The following TRAK1 variants were observed in gnomAD, a reference collection of about 807,000 sequenced individuals.
TRAK1 encodes the protein trafficking kinesin protein 1.
Under a neutral mutation model 92.1 loss-of-function variants are expected in TRAK1, and 33 were observed. The ratio of observed to expected loss-of-function variants is 0.36; its 90% CI spans 0.27 to 0.48. TRAK1 has a LOEUF of 0.48. Ranked by LOEUF, TRAK1 falls within the 20% of genes least tolerant of loss-of-function variation. TRAK1 has a pLI of 0.99. For missense variants in TRAK1, 1,123 were observed against 1,257.9 expected (o/e 0.89, Z 1.62); for synonymous variants, 521 against 517.3 (o/e 1.01, Z -0.10).
At chr3:42,138,096 G>T (rs2149203999) in intron 2 of TRAK1, among the ~76,000 whole-genome samples, 1 of 152,300 alleles carries the variant, frequency 6.6e-6, no homozygotes, top group Non-Finnish European at 1.5e-5. Context: ...TATAGAAATT[G>T]TAGTGTGGTT....
At chr3:42,136,500 T>C (rs1697968535) in intron 2 of TRAK1, among the ~76,000 whole-genome samples, 1 of 152,014 alleles carries the variant, frequency 6.6e-6, no homozygotes, top group African/African-American at 2.4e-5. Context: ...GGTGCATACC[T>C]GTAGTCCTAG....
intron 1 of TRAK1, among the ~76,000 whole-genome samples, chr3:42,073,039 C>T (rs549632778): frequency 6.6e-6 from 1 of 152,226 alleles, no homozygotes; most frequent in Admixed American, 6.5e-5. Flanking sequence ...GAAATGAGAG[C>T]AAGAGAGGAC....
chr3:42,089,623 T>C (rs1324334361), upstream of TRAK1, among the ~76,000 whole-genome samples: 1 of 151,904 alleles, frequency 6.6e-6, no homozygotes, highest in East Asian at 1.9e-4. Flanking sequence ...CCAGATATCC[T>C]TATGACCCCC....
At chr3:42,219,791 T>G (rs866334267) in intron 15 of TRAK1, among the ~76,000 whole-genome samples, 195 bp downstream of exon 15, 106 of 135,434 alleles carry the variant, frequency 7.8e-4, no homozygotes, top group African/African-American at 2.9e-3. Context: ...TATGTGTTTT[T>G]TTTTTTTTTT....
chr3:42,034,811 C>A (rs1438804603), intron 1 of TRAK1, among the ~76,000 whole-genome samples: 1 of 151,946 alleles, frequency 6.6e-6, no homozygotes, highest in African/African-American at 2.4e-5. Context: ...AAGGAGGGGC[C>A]CTCTTCCTAC....
intron 1 of TRAK1, among the ~76,000 whole-genome samples, chr3:42,077,548 C>T (rs1443937641): frequency 1.3e-5 from 2 of 152,244 alleles, no homozygotes; most frequent in African/African-American, 2.4e-5. Context: ...TTTGGCCTCC[C>T]GAAGTGTTGG....
chr3:42,138,581 A>T (rs916272039), intron 2 of TRAK1, among the ~76,000 whole-genome samples: 1 of 152,092 alleles, frequency 6.6e-6, no homozygotes, highest in Non-Finnish European at 1.5e-5. Context: ...TTAAAATCCT[A>T]AGTGAAACAA....
chr3:42,149,311 C>A, intron 2 of TRAK1: 1 of 1,415,814 alleles, frequency 7.1e-7, no homozygotes, highest in Non-Finnish European at 9.2e-7. Context: ...AATTGCCTTC[C>A]TTTCTGCTCC....
At chr3:42,109,545 A>G (rs1231969746) in intron 1 of TRAK1, among the ~76,000 whole-genome samples, 1 of 152,246 alleles carries the variant, frequency 6.6e-6, no homozygotes, top group Non-Finnish European at 1.5e-5. Context: ...AAAGGCTAGA[A>G]CTATAAGGAA....
At chr3:42,091,773 C>T (rs1213954874) in intron 1 of TRAK1, among the ~76,000 whole-genome samples, 2 of 152,078 alleles carry the variant, frequency 1.3e-5, no homozygotes, top group East Asian at 3.9e-4. Flanking sequence ...CCCCCATCTC[C>T]CGTTCCCAGG....
At chr3:42,024,050 CG>C (rs1264559046) in intron 1 of TRAK1, among the ~76,000 whole-genome samples, 1 of 151,996 alleles carries the variant, frequency 6.6e-6, no homozygotes, top group African/African-American at 2.4e-5. Flanking sequence ...CCACCGTGAC[CG>C]GCTACTCCTG....
chr3:42,031,203 T>C (rs1455386278), intron 1 of TRAK1, among the ~76,000 whole-genome samples: 1 of 116,138 alleles, frequency 8.6e-6, no homozygotes, highest in Non-Finnish European at 1.8e-5. Context: ...GCCTGGCTAA[T>C]TTTTTTTGTA....
intron 1 of TRAK1, among the ~76,000 whole-genome samples, chr3:42,020,461 T>C (rs1325124340): frequency 1.3e-5 from 2 of 152,258 alleles, no homozygotes; most frequent in Admixed American, 1.3e-4. Flanking sequence ...GTTCATCCAT[T>C]TGTTGCATGT....
chr3:42,180,152 A>G (rs1703798340), intron 3 of TRAK1, among the ~76,000 whole-genome samples: 1 of 152,184 alleles, frequency 6.6e-6, no homozygotes, highest in Admixed American at 6.5e-5. Flanking sequence ...TTGCCTCAGT[A>G]AAATTAAAGA....
At chr3:42,209,282 G>T (rs140966997) in intron 13 of TRAK1, among the ~76,000 whole-genome samples, 1 of 152,032 alleles carries the variant, frequency 6.6e-6, no homozygotes, top group Non-Finnish European at 1.5e-5. Context: ...GCTGTTGGTC[G>T]TGGGCTTGGT....
rs1559712035 is a variant in TRAK1, at chr3:42,033,875, C to T, written c.-519+19758C>T. 2.6e-5 allele frequency among the ~76,000 whole-genome samples: 4 copies of T among 152,128 alleles called. No homozygotes were observed. In the South Asian group the frequency reaches 8.3e-4, roughly 32 times the overall value. On this transcript the variant is annotated intron_variant, in intron 1 of 16. Coordinates refer to the TRAK1 transcript ENST00000487159. ...ATTCCTTGAAGACTGGGAGATTTGG[C>T]TCAAGATCATCTTCCCCTGACATAC... is the stretch of plus-strand genomic sequence containing the variant.
intron 1 of TRAK1, among the ~76,000 whole-genome samples, chr3:42,100,270 G>A (rs892207807): frequency 6.6e-6 from 1 of 152,210 alleles, no homozygotes; most frequent in African/African-American, 2.4e-5. Flanking sequence ...GGGAGGCTGA[G>A]GTGGGAGGAT....
intron 1 of TRAK1, among the ~76,000 whole-genome samples, chr3:42,023,893 T>C (rs1701822117): frequency 6.6e-6 from 1 of 151,826 alleles, no homozygotes; most frequent in African/African-American, 2.4e-5. Flanking sequence ...ATCTGGGGAT[T>C]ACAGGCGCCT....
intron 1 of TRAK1, among the ~76,000 whole-genome samples, chr3:42,077,912 A>T (rs957867101): frequency 2.6e-5 from 4 of 152,208 alleles, no homozygotes; most frequent in African/African-American, 9.6e-5. Flanking sequence ...AGCGTCTCAG[A>T]CTTTTATCCA....
Sources: gnomAD v4.1 joint callset for allele counts (sites outside exome capture counted in the v4.1 genomes callset) on GRCh38, gnomAD v4.1.1 for gene constraint, MANE v1.5 for transcripts, NCBI Gene and HGNC (gene_info 2026-07-23, HGNC 2026-07-21) for gene names.